The following SUN3 variants were observed in gnomAD, a reference collection of about 807,000 sequenced individuals.
SUN3 encodes Sad1 and UNC84 domain containing 3.
Under a neutral mutation model 48.2 loss-of-function variants are expected in SUN3, and 36 were observed. The ratio of observed to expected loss-of-function variants is 0.75; its 90% CI spans 0.57 to 0.99. The LOEUF is 0.99. SUN3 is among the 50% of genes least tolerant of loss of function. The pLI is 0.00. For missense variants in SUN3, 419 were observed against 433.1 expected (o/e 0.97, Z 0.29); for synonymous variants, 148 against 147.9 (o/e 1.00, Z 0.00).
intron 3 of SUN3, among the ~76,000 whole-genome samples, chr7:48,010,481 G>A (rs1233958201): frequency 6.6e-6 from 1 of 152,214 alleles, no homozygotes; most frequent in Non-Finnish European, 1.5e-5. Flanking sequence ...TATCAATTAA[G>A]AGGCAGTATC....
the SUN3 span, chr7:48,035,411 CCT>C: frequency 3.0e-6 from 2 of 658,750 alleles, no homozygotes; most frequent in South Asian, 3.3e-5. The surrounding 1 kb of genome is among the most constrained non-coding windows in gnomAD (Gnocchi z 4.0). Flanking sequence ...CGCTTCCTGC[CCT>C]GATTGGCCCA....
At chr7:47,994,222 G>C in intron 8 of SUN3, 93 bp downstream of exon 8, 1 of 1,176,232 alleles carries the variant, frequency 8.5e-7, no homozygotes, top group Non-Finnish European at 1.2e-6. Flanking sequence ...GACACAACTA[G>C]TTATCTGTCC....
chr7:47,996,802 CT>C (rs35247146), intron 6 of SUN3, among the ~76,000 whole-genome samples: 3,717 of 135,228 alleles, frequency 0.027, 57 homozygotes, highest in African/African-American at 0.077. Context: ...TTCTTTCCTT[CT>C]TTTTTTTTTT....
intron 2 of SUN3, 33 bp downstream of exon 2, chr7:48,025,844 T>A: frequency 7.0e-7 from 1 of 1,423,930 alleles, no homozygotes; most frequent in African/African-American, 1.4e-5. Context: ...ACCTGTGGAA[T>A]GGTTTTAAGG....
chr7:48,009,125 TAG>T (rs754521698), intron 3 of SUN3, 50 bp from the exon 4 acceptor site: 72 of 1,552,846 alleles, frequency 4.6e-5, no homozygotes, highest in Non-Finnish European at 5.7e-5. Context: ...CTTATTCAAA[TAG>T]AGTCTTTTTT....
At chr7:48,031,045 C>T (rs2128786488), upstream of SUN3, among the ~76,000 whole-genome samples, 1 of 152,166 alleles carries the variant, frequency 6.6e-6, no homozygotes, top group South Asian at 2.1e-4. Context: ...TAGAAGAAAA[C>T]AAGGAAAAAA....
chr7:48,033,196 T>A (rs1562618524), upstream of SUN3, among the ~76,000 whole-genome samples: 1 of 152,344 alleles, frequency 6.6e-6, no homozygotes, highest in East Asian at 1.9e-4. Flanking sequence ...TGTTTTAATT[T>A]CCATGGCATC....
chr7:48,023,937 T>C (rs1790067295), intron 2 of SUN3, among the ~76,000 whole-genome samples: 2 of 152,158 alleles, frequency 1.3e-5, no homozygotes, highest in African/African-American at 2.4e-5. Context: ...CATTCAACTA[T>C]AGCCAATTCA....
chr7:48,002,885 A>G lies in SUN3; in HGVS notation c.577+3084T>C, dbSNP rs570329866. 5.9e-5 allele frequency among the ~76,000 whole-genome samples: 9 copies of G among 152,302 alleles called. No homozygotes were observed. In the South Asian group the frequency reaches 1.7e-3, roughly 28 times the overall value. ...TAAATATAGGATTATGTTGTCTGCA[A>G]ACAGGGATAGTTTGACTTCCTCTCT... On this transcript the variant is annotated intron_variant, in intron 6 of 9. Coordinates refer to ENST00000297325, the MANE Select transcript of SUN3 (RefSeq NM_001030019.2).
At position 48,029,106 on chromosome 7, in the gene SUN3, CT is replaced by C. The variant is rs1464505615; in HGVS notation, c.-169del. On this transcript the variant is annotated 5_prime_UTR_variant, in exon 1 of 10. Coordinates refer to ENST00000297325, the MANE Select transcript of SUN3 (RefSeq NM_001030019.2). ...TTGAAGACGGAATTTTGAAAAGCTTCTGATTCTTCTGTTGCATCATCCTCCG... is the reference window on the plus strand; with the variant it reads ...TTGAAGACGGAATTTTGAAAAGCTTCGATTCTTCTGTTGCATCATCCTCCG... 43 of 949,916 alleles carry C rather than the reference CT, an allele frequency of 4.5e-5. No individual in the cohort carries two copies. The highest frequency in any genetic ancestry group is 6.4e-4 in the Middle Eastern group (2 of 3,110). The allele number at this position is 949,916 out of a possible 1,614,324, so 58.8% of individuals were successfully genotyped here.
the SUN3 span, chr7:48,035,593 C>T: frequency 1.4e-6 from 1 of 694,856 alleles, no homozygotes; most frequent in African/African-American, 1.8e-5. The surrounding 1 kb of genome is among the most constrained non-coding windows in gnomAD (Gnocchi z 4.0). Flanking sequence ...CAACGCCGGG[C>T]GCCGCGGGCA....
upstream of SUN3, among the ~76,000 whole-genome samples, chr7:48,031,537 A>G (rs1385126772): frequency 6.6e-6 from 1 of 152,186 alleles, no homozygotes; most frequent in Non-Finnish European, 1.5e-5. Flanking sequence ...ACAAACAAAA[A>G]TATATAAAGA....
chr7:48,015,521 G>A (rs570177920), intron 3 of SUN3, among the ~76,000 whole-genome samples: 1 of 152,228 alleles, frequency 6.6e-6, no homozygotes, highest in Admixed American at 6.5e-5. Context: ...GGCAGTTACT[G>A]GAGGAACTAG....
intron 1 of SUN3, among the ~76,000 whole-genome samples, chr7:48,026,749 A>G (rs1233927407): frequency 6.6e-6 from 1 of 152,144 alleles, no homozygotes; most frequent in African/African-American, 2.4e-5. Flanking sequence ...TGGAAGAGAG[A>G]CCAGAACTTT....
At position 48,028,952 on chromosome 7, in the gene SUN3, A is replaced by G. The variant is rs1429214728; in HGVS notation, c.-14T>C. ...TTTTCCACTCATGATCCCCTACCAA[A>G]GAACAAACAGCTGGTAGGATGAAGA... On this transcript the variant is annotated 5_prime_UTR_variant, in exon 1 of 10. Coordinates refer to ENST00000297325, the MANE Select transcript of SUN3 (RefSeq NM_001030019.2). The G allele has an allele frequency of 1.9e-6, 3 of 1,613,722 alleles. No homozygotes were observed. In the Admixed American group the frequency reaches 5.0e-5, roughly 27 times the overall value.
intron 6 of SUN3, among the ~76,000 whole-genome samples, chr7:47,998,090 T>C (rs138339808): frequency 2.0e-5 from 3 of 152,354 alleles, no homozygotes; most frequent in Non-Finnish European, 2.9e-5. Flanking sequence ...GATAAATGTA[T>C]AGAAGTGGGA....
intron 4 of SUN3, among the ~76,000 whole-genome samples, chr7:48,008,357 T>A (rs1482476929): frequency 1.3e-5 from 2 of 152,174 alleles, no homozygotes; most frequent in Admixed American, 6.5e-5. Context: ...ATGCAAAAAA[T>A]TGGTAAGAAA....
At chr7:48,035,444 C>T in the SUN3 span, 1 of 688,496 alleles carries the variant, frequency 1.5e-6, no homozygotes, top group Non-Finnish European at 2.6e-6. This position sits in a 1 kb window ranked among gnomAD's most constrained non-coding sequence, Gnocchi z 4.0. Context: ...TCAGGCTTCC[C>T]CTATTGGCTG....
chr7:48,009,125 T>TA, intron 3 of SUN3, 50 bp from the exon 4 acceptor site: 1 of 1,552,964 alleles, frequency 6.4e-7, no homozygotes, highest in Non-Finnish European at 8.8e-7. Flanking sequence ...CTTATTCAAA[T>TA]AGAGTCTTTT....
Sources: allele counts gnomAD v4.1 joint callset (sites outside exome capture counted in the v4.1 genomes callset), GRCh38; gene constraint gnomAD v4.1.1; non-coding constraint Gnocchi (gnomAD v3.1); transcripts MANE v1.5; gene names NCBI Gene and HGNC (gene_info 2026-07-23, HGNC 2026-07-21).